The following FBXL13 variants were observed in gnomAD, a reference collection of about 807,000 sequenced individuals.
FBXL13 encodes the protein F-box and leucine rich repeat protein 13.
In FBXL13, 67 loss-of-function variants were observed where a neutral mutation model predicts 83.6. That is an observed-to-expected ratio of 0.80 (90% CI 0.66 to 0.98). The LOEUF (loss-of-function observed/expected upper bound fraction) is 0.98. Among genes scored for constraint, FBXL13 ranks in the 50% least tolerant of loss-of-function variants. The pLI is 0.00. For missense variants in FBXL13, 822 were observed against 866.5 expected (o/e 0.95, Z 0.64); for synonymous variants, 272 against 299.5 (o/e 0.91, Z 0.95).
At chr7:102,826,753 A>ATG (rs1799754935) in intron 18 of FBXL13, among the ~76,000 whole-genome samples, 1 of 112,254 alleles carries the variant, frequency 8.9e-6, no homozygotes, top group South Asian at 2.6e-4. Context: ...ATATATATAT[A>ATG]TATATATATA....
intron 2 of FBXL13, 144 bp downstream of exon 3, chr7:103,054,944 G>C (rs1253189262): frequency 2.6e-6 from 1 of 384,094 alleles, no homozygotes; most frequent in Non-Finnish European, 4.9e-6. Flanking sequence ...CTGTGTATGT[G>C]TGTGGCTATT....
At chr7:103,014,842 G>A (rs952372226) in intron 6 of FBXL13, among the ~76,000 whole-genome samples, 6 of 141,706 alleles carry the variant, frequency 4.2e-5, no homozygotes, top group Admixed American at 1.5e-4. Context: ...AGAATGGCAT[G>A]AACCCCGGGG....
At chr7:102,881,727 A>G (rs961540087) in intron 14 of FBXL13, among the ~76,000 whole-genome samples, 1 of 152,016 alleles carries the variant, frequency 6.6e-6, no homozygotes, top group Non-Finnish European at 1.5e-5. Context: ...GTCTCTCATG[A>G]GTGTGTAGTC....
intron 6 of FBXL13, among the ~76,000 whole-genome samples, chr7:103,010,629 G>A (rs952492586): frequency 6.6e-6 from 1 of 151,838 alleles, no homozygotes; most frequent in African/African-American, 2.4e-5. Context: ...TTTTGCATAG[G>A]TCCCTGTGGA....
At chr7:102,941,747 C>CA (rs111478330) in intron 8 of FBXL13, among the ~76,000 whole-genome samples, 2,559 of 131,238 alleles carry the variant, frequency 0.019, 63 homozygotes, top group African/African-American at 0.065. Flanking sequence ...AAAGCTGTCT[C>CA]AAAAAAAAAA....
At chr7:102,914,018 G>A (rs146454919) in intron 10 of FBXL13, among the ~76,000 whole-genome samples, 22 of 152,264 alleles carry the variant, frequency 1.4e-4, no homozygotes, top group African/African-American at 4.6e-4. Context: ...ACGAGGGCTC[G>A]CAGTTTGAGG....
chr7:103,034,413 C>T (rs528678519), intron 2 of FBXL13, among the ~76,000 whole-genome samples: 7 of 152,198 alleles, frequency 4.6e-5, no homozygotes, highest in Non-Finnish European at 1.0e-4. Context: ...TAAAGCCCAG[C>T]GAGAAATTGA....
chr7:102,831,424 C>T (rs1800654384), intron 18 of FBXL13, among the ~76,000 whole-genome samples: 1 of 151,538 alleles, frequency 6.6e-6, no homozygotes, highest in South Asian at 2.1e-4. Context: ...CACACACACA[C>T]ACACACACCC....
intron 18 of FBXL13, among the ~76,000 whole-genome samples, chr7:102,827,350 A>C (rs1452560014): frequency 6.6e-6 from 1 of 152,182 alleles, no homozygotes; most frequent in African/African-American, 2.4e-5. Flanking sequence ...CCACTGTCAG[A>C]AGAACCACAC....
intron 1 of FBXL13, among the ~76,000 whole-genome samples, chr7:103,069,345 C>T (rs1296553204): frequency 6.6e-6 from 1 of 152,192 alleles, no homozygotes. Context: ...GAAGTGGCAG[C>T]CTTGTGTGTG....
At chr7:102,897,522 CAA>C (rs1383188142) in intron 11 of FBXL13, among the ~76,000 whole-genome samples, 1 of 151,938 alleles carries the variant, frequency 6.6e-6, no homozygotes, top group Non-Finnish European at 1.5e-5. Flanking sequence ...TAAAATTAAA[CAA>C]GAGAGGGGCC....
intron 8 of FBXL13, chr7:102,939,496 TC>T (rs780310928): frequency 6.2e-7 from 1 of 1,613,852 alleles, no homozygotes; most frequent in African/African-American, 1.3e-5. Context: ...TACAATAAAA[TC>T]AACCAACTTC....
rs879218212 is a variant in FBXL13 at position 102,942,415 on chromosome 7, A to G, written c.725-10482T>C. 4 of 1,326,496 alleles carry G rather than the reference A, an allele frequency of 3.0e-6. No homozygotes were observed. The Admixed American group carries it at 7.2e-5, about 24-fold the overall frequency. The allele number at this position is 1,326,496 out of a possible 1,614,324, so 82.2% of individuals were successfully genotyped here. On this transcript the variant is annotated intron_variant, in intron 8 of 19. Transcript: ENST00000313221. ...ATAACAATCATATAAAATGCCAGAC[A>G]TTGTTGTGGAAAAGAGAAAGAAGAT...
chr7:102,822,020 A>G lies in FBXL13; in HGVS notation c.2018+20T>C. 1 of 1,613,234 alleles carries G rather than the reference A, an allele frequency of 6.2e-7. No homozygotes were observed. Among genetic ancestry groups the G allele is most frequent in the Non-Finnish European group, 8.5e-7 (1 of 1,179,330 alleles). On this transcript the variant is annotated intron_variant, in intron 19 of 19. Coordinates refer to ENST00000313221, the Ensembl canonical transcript of FBXL13. ...AGAAAGTAGTTCTCAAAAGTTTGTCATAGTCAGGTACATACTTACTTGGAA... is the reference window on the plus strand; with the variant it reads ...AGAAAGTAGTTCTCAAAAGTTTGTCGTAGTCAGGTACATACTTACTTGGAA...
chr7:102,817,575 T>C (rs1024870295), intron 19 of FBXL13, among the ~76,000 whole-genome samples: 5 of 152,218 alleles, frequency 3.3e-5, no homozygotes, highest in Non-Finnish European at 5.9e-5. Context: ...TTTCTTTTGC[T>C]GTGCAGAAGC....
At chr7:102,928,497 G>C (rs578136023) in intron 9 of FBXL13, among the ~76,000 whole-genome samples, 1 of 152,270 alleles carries the variant, frequency 6.6e-6, no homozygotes, top group African/African-American at 2.4e-5. Flanking sequence ...AAAAACAATA[G>C]TAAAATGTAG....
intron 17 of FBXL13, among the ~76,000 whole-genome samples, chr7:102,854,212 T>G (rs1240788309): frequency 1.3e-5 from 2 of 152,224 alleles, no homozygotes; most frequent in Admixed American, 1.3e-4. Context: ...TGAGTTCATG[T>G]CCTTTGTGGT....
chr7:102,902,729 T>C (rs1196131762), intron 11 of FBXL13, among the ~76,000 whole-genome samples: 1 of 152,116 alleles, frequency 6.6e-6, no homozygotes, highest in Non-Finnish European at 1.5e-5. Context: ...TGAAAATGAG[T>C]CCACTGTCGG....
intron 17 of FBXL13, among the ~76,000 whole-genome samples, chr7:102,837,556 A>G (rs1240486308): frequency 6.6e-6 from 1 of 152,168 alleles, no homozygotes; most frequent in African/African-American, 2.4e-5. Context: ...TCAAATTCTT[A>G]TAAGCTTTTC....
Sources: allele counts gnomAD v4.1 joint callset (sites outside exome capture counted in the v4.1 genomes callset), GRCh38; gene constraint gnomAD v4.1.1; transcripts MANE v1.5; gene names NCBI Gene and HGNC (gene_info 2026-07-23, HGNC 2026-07-21).